The following SGIP1 variants were observed in gnomAD, a reference collection of about 807,000 sequenced individuals.
SGIP1 encodes SH3GL interacting endocytic adaptor 1.
Under a neutral mutation model 107.5 loss-of-function variants are expected in SGIP1, and 38 were observed. The ratio of observed to expected loss-of-function variants is 0.35; its 90% CI spans 0.27 to 0.46. SGIP1 has a LOEUF of 0.46. Among genes scored for constraint, SGIP1 ranks in the 20% least tolerant of loss-of-function variants. The pLI is 1.00. For synonymous variants in SGIP1, 365 were observed against 366.1 expected (o/e 1.00, Z 0.03); for missense variants, 929 against 1,019.5 (o/e 0.91, Z 1.21).
chr1:66,657,315 T>A (rs2079989166), intron 7 of SGIP1, among the ~76,000 whole-genome samples: 1 of 152,198 alleles, frequency 6.6e-6, no homozygotes, highest in Admixed American at 6.5e-5. Flanking sequence ...CACTCTATGA[T>A]GCCTGATGCC....
chr1:66,613,154 T>C (rs980915876), intron 1 of SGIP1, among the ~76,000 whole-genome samples: 1 of 152,222 alleles, frequency 6.6e-6, no homozygotes, highest in Non-Finnish European at 1.5e-5. Flanking sequence ...GTTTAGCTTA[T>C]CATAGTAAGT....
chr1:66,558,114 C>A (rs1338640874), intron 1 of SGIP1, among the ~76,000 whole-genome samples: 2 of 152,070 alleles, frequency 1.3e-5, no homozygotes, highest in Admixed American at 6.6e-5. Context: ...GAGTCTTATT[C>A]ACCATGAAGC....
chr1:66,653,951 GT>G (rs2079209061), intron 7 of SGIP1, among the ~76,000 whole-genome samples: 1 of 152,160 alleles, frequency 6.6e-6, no homozygotes, highest in Admixed American at 6.6e-5. Context: ...TTTGTGAACA[GT>G]TTACTGAATG....
chr1:66,684,007 G>T, intron 15 of SGIP1: 1 of 1,490,668 alleles, frequency 6.7e-7, no homozygotes, highest in Non-Finnish European at 8.9e-7. Context: ...TTGAGCTACC[G>T]CGCCCAGCCC....
intron 1 of SGIP1, among the ~76,000 whole-genome samples, chr1:66,613,269 T>C (rs2068419177): frequency 6.6e-6 from 1 of 152,178 alleles, no homozygotes; most frequent in Non-Finnish European, 1.5e-5. Flanking sequence ...GTCCTTCTAC[T>C]TTGTCTACCT....
chr1:66,716,887 C>T (rs2093277098), intron 18 of SGIP1, among the ~76,000 whole-genome samples: 1 of 152,074 alleles, frequency 6.6e-6, no homozygotes, highest in South Asian at 2.1e-4. Flanking sequence ...ACATGTCACC[C>T]TTCAATACCC....
At chr1:66,732,577 C>T (rs1378598280) in intron 20 of SGIP1, among the ~76,000 whole-genome samples, 6 of 152,166 alleles carry the variant, frequency 3.9e-5, no homozygotes, top group Non-Finnish European at 8.8e-5. Context: ...CCACTCTTTC[C>T]TAACAGATCA....
intron 5 of SGIP1, among the ~76,000 whole-genome samples, 176 bp downstream of exon 5, chr1:66,640,009 A>G (rs1333483456): frequency 6.6e-6 from 1 of 152,168 alleles, no homozygotes; most frequent in African/African-American, 2.4e-5. Context: ...TGGGTTTAAG[A>G]TCTTGTCCAA....
intron 20 of SGIP1, among the ~76,000 whole-genome samples, chr1:66,733,438 GT>G (rs2094107001): frequency 6.6e-6 from 1 of 152,150 alleles, no homozygotes; most frequent in Admixed American, 6.5e-5. Flanking sequence ...GGGATATTAA[GT>G]TTGAGTTAAT....
intron 10 of SGIP1, among the ~76,000 whole-genome samples, chr1:66,671,472 C>A (rs1282702790): frequency 6.6e-6 from 1 of 152,138 alleles, no homozygotes; most frequent in Non-Finnish European, 1.5e-5. Context: ...TTTTCCTCTG[C>A]TGCATACAAC....
Position 66,695,421 on chromosome 1 carries a change from C to A in SGIP1, c.1571-13C>A, listed in dbSNP as rs773922771. ...TAACCCTTCCCATCCCGCTTCAACT[C>A]CTGGCCATACAGAGAATGAACAGCC... On this transcript the variant is annotated splice_polypyrimidine_tract_variant and intron_variant, in intron 17 of 24. Coordinates refer to ENST00000371037, the MANE Select transcript of SGIP1 (RefSeq NM_032291.4). The A allele has an allele frequency of 3.1e-6, 5 of 1,614,106 alleles. No individual in the cohort carries two copies. Among genetic ancestry groups the A allele is most frequent in the Non-Finnish European group, 4.2e-6 (5 of 1,179,996 alleles).
intron 1 of SGIP1, among the ~76,000 whole-genome samples, chr1:66,545,090 G>A (rs1408236105): frequency 6.6e-6 from 1 of 152,056 alleles, no homozygotes; most frequent in Non-Finnish European, 1.5e-5. Context: ...TAACACATCT[G>A]ATCAGACCTT....
chr1:66,683,348 T>G (rs1056581764), intron 15 of SGIP1, among the ~76,000 whole-genome samples: 1 of 152,168 alleles, frequency 6.6e-6, no homozygotes, highest in Non-Finnish European at 1.5e-5. Context: ...GGCAATAAAG[T>G]GTAAGGTACT....
In SGIP1 at chr1:66,720,777, A is replaced by G. The variant is rs115632871; in HGVS notation, c.1742+1372A>G. Among the ~76,000 whole-genome samples the G allele has an allele frequency of 8.9e-3, 1,356 of 152,290 alleles. 23 individuals carry two copies. Among genetic ancestry groups the G allele is most frequent in the African/African-American group, 0.031 (1,291 of 41,556 alleles). On this transcript the variant is annotated intron_variant, in intron 19 of 24. Transcript: ENST00000371037. The stretch of plus-strand genomic sequence containing the variant: ...TGGAGAAGAAAAAGTCGATGTGTAT[A>G]TAGAACACTAGACTATACTATAAAA...
In SGIP1 at chr1:66,748,899, A is replaced by T. The variant is rs1026646969; in HGVS notation, c.*5804A>T. Among the ~76,000 whole-genome samples, 11 of 152,004 alleles carry T rather than the reference A, an allele frequency of 7.2e-5. No individual in the cohort carries two copies. Among genetic ancestry groups the T allele is most frequent in the South Asian group, 4.1e-4 (2 of 4,826 alleles). ...AAAGTTATTGAATCAGGTAAAAAAA[A>T]TTTTTTCTAAGCACACCTTGAGAAA... On this transcript the variant is annotated 3_prime_UTR_variant, in exon 25 of 25. Coordinates refer to ENST00000371037, the MANE Select transcript of SGIP1 (RefSeq NM_032291.4).
intron 21 of SGIP1, among the ~76,000 whole-genome samples, chr1:66,734,855 A>G (rs959064420): frequency 6.6e-6 from 1 of 152,092 alleles, no homozygotes; most frequent in African/African-American, 2.4e-5. Flanking sequence ...GACAGGTACA[A>G]TTGTATGTCT....
chr1:66,561,779 TAGATAGCAGAGGCCTTTTATTCA>T (rs1275863407), intron 1 of SGIP1, among the ~76,000 whole-genome samples: 1 of 152,050 alleles, frequency 6.6e-6, no homozygotes, highest in East Asian at 1.9e-4. Context: ...GTTACTGCTT[TAGATAGCAGAGGCCTTTTATTCA>T]AATGGAATAT....
chr1:66,621,383 T>C (rs2071057915), intron 1 of SGIP1, among the ~76,000 whole-genome samples: 1 of 152,204 alleles, frequency 6.6e-6, no homozygotes, highest in Admixed American at 6.5e-5. Context: ...CCCATCCTTG[T>C]CCTCCCTTGT....
intron 7 of SGIP1, among the ~76,000 whole-genome samples, chr1:66,646,165 A>G (rs914217540): frequency 6.6e-6 from 1 of 152,166 alleles, no homozygotes; most frequent in Admixed American, 6.5e-5. Flanking sequence ...TATAAATGAC[A>G]TATGCAGCAC....
Sources: gnomAD v4.1 joint callset for allele counts (sites outside exome capture counted in the v4.1 genomes callset) on GRCh38, gnomAD v4.1.1 for gene constraint, MANE v1.5 for transcripts, NCBI Gene and HGNC (gene_info 2026-07-23, HGNC 2026-07-21) for gene names.